Variants in KSR2 observed in about 807,000 individuals in gnomAD.
The protein encoded by KSR2 is kinase suppressor of ras 2.
KSR2 carries 25 observed loss-of-function variants against 107.8 expected under a neutral mutation model. The ratio of observed to expected loss-of-function variants is 0.23; its 90% confidence interval spans 0.17 to 0.32. The LOEUF (loss-of-function observed/expected upper bound fraction) is 0.32. Among genes scored for constraint, KSR2 ranks in the 10% least tolerant of loss-of-function variants. The pLI, the probability that KSR2 is intolerant of heterozygous loss-of-function variation, is 1.00. For missense variants in KSR2, 887 were observed against 1,268.9 expected, an observed-to-expected ratio of 0.70 and a Z score of 4.57; for synonymous variants, 480 against 507.0, an observed-to-expected ratio of 0.95 and a Z score of 0.71.
At chr12:117,791,664 G>A (rs1402398588) in intron 3 of KSR2, among the ~76,000 whole-genome samples, 1 of 152,164 alleles carries the variant, frequency 6.6e-6, no homozygotes, top group Non-Finnish European at 1.5e-5. Context: ...TGCTGGAGGA[G>A]GTGGGAGGGG....
intron 5 of KSR2, among the ~76,000 whole-genome samples, chr12:117,622,646 G>T (rs563021427): frequency 3.9e-5 from 6 of 152,214 alleles, no homozygotes; most frequent in African/African-American, 1.4e-4. Context: ...CTTGTGGAGA[G>T]ATTTTGCTGC....
chr12:117,472,201 G>A (rs1160100878), intron 17 of KSR2, among the ~76,000 whole-genome samples: 2 of 152,212 alleles, frequency 1.3e-5, no homozygotes, highest in East Asian at 1.9e-4. Context: ...CTGGGACTCC[G>A]AATGCCAAAA....
Position 117,453,106 on chromosome 12 carries a change from A to G in KSR2, c.*14093T>C, listed in dbSNP as rs557739355. On this transcript the variant is annotated 3_prime_UTR_variant, in exon 20 of 20. Coordinates refer to ENST00000339824, the MANE Select transcript of KSR2 (RefSeq NM_173598.6). ...ATAATTCAGACATTGGTTTCTCACT[A>G]AACATTGCACTAAACACAAGAAACA... 8 of 152,786 alleles carry G rather than the reference A, an allele frequency of 5.2e-5. No homozygotes were observed. The highest frequency in any genetic ancestry group is 1.9e-4 in the East Asian group (1 of 5,192). The allele number at this position is 152,786 out of a possible 1,614,324, so 9.5% of individuals were successfully genotyped here.
chr12:117,700,596 C>T (rs6650210), intron 4 of KSR2, among the ~76,000 whole-genome samples: 1,752 of 152,316 alleles, frequency 0.012, 32 homozygotes, highest in African/African-American at 0.032. Flanking sequence ...AATAATGATG[C>T]TTCACGGATG....
chr12:117,829,225 T>A (rs1240082692), intron 3 of KSR2, among the ~76,000 whole-genome samples: 4 of 152,190 alleles, frequency 2.6e-5, no homozygotes, highest in Non-Finnish European at 4.4e-5. Flanking sequence ...TCACGCTTTA[T>A]CACAACTATG....
chr12:117,715,723 C>T (rs556699753), intron 4 of KSR2, among the ~76,000 whole-genome samples: 1 of 152,160 alleles, frequency 6.6e-6, no homozygotes, highest in Non-Finnish European at 1.5e-5. Context: ...ACAGACAATA[C>T]AAAATGAATG....
intron 3 of KSR2, among the ~76,000 whole-genome samples, chr12:117,785,281 G>T (rs548230694): frequency 6.6e-6 from 1 of 152,084 alleles, no homozygotes; most frequent in African/African-American, 2.4e-5. Flanking sequence ...TGGGCATGGT[G>T]GCGGGTGCCT....
At chr12:117,515,720 G>C (rs1404349967) in intron 14 of KSR2, among the ~76,000 whole-genome samples, 1 of 152,214 alleles carries the variant, frequency 6.6e-6, no homozygotes, top group Non-Finnish European at 1.5e-5. Flanking sequence ...GAGGTCAGGA[G>C]TTCAAGACAA....
At chr12:117,641,634 T>A (rs1345268782) in intron 5 of KSR2, among the ~76,000 whole-genome samples, 1 of 152,186 alleles carries the variant, frequency 6.6e-6, no homozygotes, top group East Asian at 1.9e-4. Flanking sequence ...GCTTGCCTAA[T>A]TATACCTGCA....
At chr12:117,763,612 A>T (rs2136882561) in intron 3 of KSR2, among the ~76,000 whole-genome samples, 1 of 152,294 alleles carries the variant, frequency 6.6e-6, no homozygotes, top group African/African-American at 2.4e-5. Flanking sequence ...ATGGGGTGAC[A>T]CTCAAGGAGA....
At chr12:117,947,651 T>C (rs1048936646) in intron 1 of KSR2, among the ~76,000 whole-genome samples, 1 of 152,102 alleles carries the variant, frequency 6.6e-6, no homozygotes, top group Non-Finnish European at 1.5e-5. Flanking sequence ...GGAAGAAAAG[T>C]TCCTAGTACT....
intron 3 of KSR2, among the ~76,000 whole-genome samples, chr12:117,790,524 G>A (rs1049230533): frequency 1.3e-5 from 2 of 152,178 alleles, no homozygotes; most frequent in East Asian, 1.9e-4. Flanking sequence ...TTTCTGTCCC[G>A]CACCTGTGAA....
chr12:117,708,657 C>T (rs950796689), intron 4 of KSR2, among the ~76,000 whole-genome samples: 1 of 152,176 alleles, frequency 6.6e-6, no homozygotes, highest in Non-Finnish European at 1.5e-5. Context: ...AAACAACTGC[C>T]TTGCCCAAGG....
At chr12:117,823,319 G>C (rs1263237002) in intron 3 of KSR2, among the ~76,000 whole-genome samples, 1 of 152,182 alleles carries the variant, frequency 6.6e-6, no homozygotes, top group Non-Finnish European at 1.5e-5. Context: ...ATGGATGCAA[G>C]GAGGCCAGAC....
chr12:117,761,443 G>C lies in KSR2; in HGVS notation c.554C>G (p.Pro185Arg). The change falls in exon 4 of 20, where the codon CCG becomes CGG. Residue 185 changes from proline to arginine, a missense_variant. Physicochemically the swap from Pro to Arg is moderately radical, Grantham distance 103. Around this residue, in one of 8 missense-constraint regions of KSR2, gnomAD observed 399 missense variants for 479.5 expected, o/e 0.83. Transcript: ENST00000339824. ...GGTGCGGATCCACGGGGTGGGCTCC[G>C]GGGGGCACACGGGATTGTTCTCCTT... ...TGKENNPVCP[P>R]EPTPWIRTHL... The C allele has an allele frequency of 1.9e-6, 3 of 1,612,364 alleles. No individual in the cohort carries two copies. Among genetic ancestry groups the C allele is most frequent in the South Asian group, 1.1e-5 (1 of 91,010 alleles).
chr12:117,962,398 A>G (rs980256122), intron 1 of KSR2, among the ~76,000 whole-genome samples: 1 of 151,014 alleles, frequency 6.6e-6, no homozygotes, highest in Non-Finnish European at 1.5e-5. Context: ...GCTACAGCCC[A>G]TGGGCCCAAT....
chr12:117,811,226 T>C (rs1891179898), intron 3 of KSR2, among the ~76,000 whole-genome samples: 1 of 152,112 alleles, frequency 6.6e-6, no homozygotes, highest in South Asian at 2.1e-4. Context: ...CAACACAGCC[T>C]CCTCTGCCCC....
chr12:117,476,282 C>T (rs368222085), intron 17 of KSR2, among the ~76,000 whole-genome samples, 182 bp downstream of exon 17: 3 of 152,286 alleles, frequency 2.0e-5, no homozygotes, highest in East Asian at 1.9e-4. Flanking sequence ...CAGACACACA[C>T]GTTTGTTAGG....
chr12:117,701,747 T>C (rs117720062), intron 4 of KSR2, among the ~76,000 whole-genome samples: 4 of 152,186 alleles, frequency 2.6e-5, no homozygotes, highest in East Asian at 1.9e-4. Flanking sequence ...GAAGAAGGCC[T>C]TGTGAAGACA....
Sources: gnomAD v4.1 joint callset for allele counts (sites outside exome capture counted in the v4.1 genomes callset) on GRCh38, gnomAD v4.1.1 for gene constraint, gnomAD v4.1.1 regional missense constraint, MANE v1.5 for transcripts, NCBI Gene and HGNC (gene_info 2026-07-23, HGNC 2026-07-21) for gene names.